Variants in ZNF268 observed in about 807,000 individuals in gnomAD.
ZNF268 encodes zinc finger protein 268.
Under a neutral mutation model 29.3 loss-of-function variants are expected in ZNF268, and 20 were observed. That is an observed-to-expected ratio of 0.68 (90% CI 0.48 to 0.99). The LOEUF (loss-of-function observed/expected upper bound fraction) is 0.99. ZNF268 is among the 50% of genes least tolerant of loss of function. The probability of loss-of-function intolerance (pLI) is 0.00; values close to 1 mark genes in which losing one functional copy is unlikely to be tolerated. For missense variants in ZNF268, 1,240 were observed against 1,121.6 expected, an observed-to-expected ratio of 1.11 and a Z score of -1.51; for synonymous variants, 429 against 376.9, an observed-to-expected ratio of 1.14 and a Z score of -1.60.
intron 5 of ZNF268, among the ~76,000 whole-genome samples, chr12:133,201,751 A>AT (rs1355099906): frequency 6.6e-6 from 1 of 152,088 alleles, no homozygotes; most frequent in Non-Finnish European, 1.5e-5. Flanking sequence ...CATAGTAGGT[A>AT]TTTAATTATT....
At chr12:133,197,024 CTTTCTT>C (rs1384383449) in intron 5 of ZNF268, among the ~76,000 whole-genome samples, 1 of 129,896 alleles carries the variant, frequency 7.7e-6, no homozygotes, top group Non-Finnish European at 1.7e-5. Context: ...TCTCTAGATC[CTTTCTT>C]TTTTTTTTTT....
intron 5 of ZNF268, among the ~76,000 whole-genome samples, chr12:133,201,636 A>G (rs568830846): frequency 1.3e-5 from 2 of 152,068 alleles, no homozygotes; most frequent in South Asian, 4.2e-4. Context: ...CTCTCAGTTT[A>G]TTTTTATCCA....
rs1245419589 is a variant in ZNF268 at position 133,210,429 on chromosome 12, A to G, written c.*5899A>G. 5.1e-6 allele frequency: 1 copy of G among 195,902 alleles called. No homozygotes were observed. The highest frequency in any genetic ancestry group is 1.1e-5 in the Non-Finnish European group (1 of 92,564). The allele number at this position is 195,902 out of a possible 1,614,324, so 12.1% of individuals were successfully genotyped here. ...CCCAGGGGTCCCCAGGTTGGTCCTG[A>G]GGAGAAGGAAGCTCAGAACCTCACT... On this transcript the variant is annotated 3_prime_UTR_variant, in exon 6 of 6. Coordinates refer to ENST00000536435, the MANE Select transcript of ZNF268 (RefSeq NM_003415.3).
chr12:133,206,090 C>T lies in ZNF268; in HGVS notation c.*1560C>T, dbSNP rs962171068. 9.9e-5 allele frequency: 15 copies of T among 152,104 alleles called. No homozygotes were observed. The highest frequency in any genetic ancestry group is 3.6e-4 in the African/African-American group (15 of 41,420). The allele number at this position is 152,104 out of a possible 1,614,324, so 9.4% of individuals were successfully genotyped here. A position where few individuals can be genotyped will look rare whatever the true frequency, so the allele number is the denominator to read the frequency against. On this transcript the variant is annotated 3_prime_UTR_variant, in exon 6 of 6. Transcript: ENST00000536435. ...ACATTCCTTGTTTGATTGCATTAGCCATTGTGTATCTTTTGCATACAGCTT... is the reference window on the plus strand; with the variant it reads ...ACATTCCTTGTTTGATTGCATTAGCTATTGTGTATCTTTTGCATACAGCTT...
rs768197771 is a variant in ZNF268 at position 133,202,265 on chromosome 12, G to T, written c.579G>T (p.Lys193Asn). The change falls in exon 6 of 6, where the codon AAG becomes AAT. Residue 193 changes from lysine (K) to asparagine (N), a missense_variant. Physicochemically the swap from Lys to Asn is moderately conservative, Grantham distance 94. This residue lies in a region of ZNF268 where 1,177 missense variants were observed against 1,039.6 expected (regional missense o/e 1.13). Transcript: ENST00000536435. ...GAAAACTATGTCTTCTTAGTACAAA[G>T]TATCTTTCAAGACAAAAACCTCATA... ...TFGKLCLLST[K>N]YLSRQKPHKC... The T allele has an allele frequency of 1.7e-5, 28 of 1,612,596 alleles. No individual in the cohort carries two copies. The Admixed American group carries it at 4.5e-4, about 26-fold the overall frequency.
At chr12:133,201,160 A>G (rs968951950) in intron 5 of ZNF268, among the ~76,000 whole-genome samples, 1 of 152,000 alleles carries the variant, frequency 6.6e-6, no homozygotes, top group Non-Finnish European at 1.5e-5. Context: ...TAATGTTTTC[A>G]TCATGTATTC....
At chr12:133,194,364 A>G (rs1366709006) in intron 5 of ZNF268, among the ~76,000 whole-genome samples, 1 of 152,198 alleles carries the variant, frequency 6.6e-6, no homozygotes, top group Non-Finnish European at 1.5e-5. Flanking sequence ...CTCCAGGATC[A>G]ACTAAGTGAT....
At chr12:133,197,715 T>C (rs1034362784) in intron 5 of ZNF268, among the ~76,000 whole-genome samples, 1 of 152,206 alleles carries the variant, frequency 6.6e-6, no homozygotes, top group Non-Finnish European at 1.5e-5. Context: ...TCCTGACTTT[T>C]TAATGATTGC....
intron 5 of ZNF268, 60 bp from the exon 6 acceptor site, chr12:133,202,084 C>T: frequency 2.2e-6 from 3 of 1,381,702 alleles, no homozygotes; most frequent in Non-Finnish European, 2.9e-6. Flanking sequence ...TCATAGGCAA[C>T]TTTCTAGTAT....
At chr12:133,185,414 G>T (rs1956286072) in intron 2 of ZNF268, among the ~76,000 whole-genome samples, 1 of 101,428 alleles carries the variant, frequency 9.9e-6, no homozygotes, top group South Asian at 2.9e-4. Flanking sequence ...TGTGACTGGG[G>T]TAGGGAGTGA....
Position 133,211,155 on chromosome 12 carries a change from G to T in ZNF268, c.*6625G>T, listed in dbSNP as rs1956973350. On this transcript the variant is annotated 3_prime_UTR_variant, in exon 6 of 6. Transcript: ENST00000536435. ...TAATGTATAGCAATAATTGGAATTT[G>T]TAATGAATAAAATCATTCAAAAAAA... 2.7e-6 allele frequency: 1 copy of T among 367,970 alleles called. No individual in the cohort carries two copies. Among genetic ancestry groups the T allele is most frequent in the Non-Finnish European group, 5.5e-6 (1 of 183,090 alleles). The allele number at this position is 367,970 out of a possible 1,614,324, so 22.8% of individuals were successfully genotyped here. A position where few individuals can be genotyped will look rare whatever the true frequency, so the allele number is the denominator to read the frequency against.
At chr12:133,197,157 A>AG (rs1256220146) in intron 5 of ZNF268, among the ~76,000 whole-genome samples, 2 of 149,946 alleles carry the variant, frequency 1.3e-5, no homozygotes, top group African/African-American at 2.5e-5. Context: ...ATCTAGCATT[A>AG]GGTATATCTC....
Position 133,204,792 on chromosome 12 carries a change from G to A in ZNF268, c.*262G>A. On this transcript the variant is annotated 3_prime_UTR_variant, in exon 6 of 6. Coordinates refer to ENST00000536435, the MANE Select transcript of ZNF268 (RefSeq NM_003415.3). Reference sequence around the variant, plus strand: ...AGCAAGTCATACCTTTTTTTAAAAAGTTCATACAGGTGAGGAACCATGTTA... The same window carrying A: ...AGCAAGTCATACCTTTTTTTAAAAAATTCATACAGGTGAGGAACCATGTTA... The A allele has an allele frequency of 2.7e-6, 1 of 364,224 alleles. No homozygotes were observed. The highest frequency in any genetic ancestry group is 4.2e-5 in the Admixed American group (1 of 23,806). The allele number at this position is 364,224 out of a possible 1,614,324, so 22.6% of individuals were successfully genotyped here.
At chr12:133,184,124 T>C (rs935119404) in intron 2 of ZNF268, among the ~76,000 whole-genome samples, 16 of 152,252 alleles carry the variant, frequency 1.1e-4, no homozygotes, top group African/African-American at 3.9e-4. Flanking sequence ...CTTTTTTTTT[T>C]TGGAGACAGT....
intron 3 of ZNF268, chr12:133,188,283 A>G (rs1377401063): frequency 1.9e-6 from 1 of 530,268 alleles, no homozygotes; most frequent in African/African-American, 1.9e-5. Flanking sequence ...TGCAGCCTCA[A>G]ACTCCAGGCT....
rs1171270183 is a variant in ZNF268, at chr12:133,204,858, A to G, written c.*328A>G. ...TTTTACTAAAATAAGATTCACAAAGAGGAAACTTCATGAACCAGATGAATA... is the reference window on the plus strand; with the variant it reads ...TTTTACTAAAATAAGATTCACAAAGGGGAAACTTCATGAACCAGATGAATA... On this transcript the variant is annotated 3_prime_UTR_variant, in exon 6 of 6. Coordinates refer to ENST00000536435, the MANE Select transcript of ZNF268 (RefSeq NM_003415.3). 3 of 212,952 alleles carry G rather than the reference A, an allele frequency of 1.4e-5. No individual in the cohort carries two copies. The East Asian group carries it at 3.2e-4, about 22-fold the overall frequency. The allele number at this position is 212,952 out of a possible 1,614,324, so 13.2% of individuals were successfully genotyped here.
Position 133,204,013 on chromosome 12 carries a change from G to A in ZNF268, c.2327G>A (p.Gly776Glu), listed in dbSNP as rs1348560036. 6.3e-7 allele frequency: 1 copy of A among 1,577,840 alleles called. No homozygotes were observed. Among genetic ancestry groups the A allele is most frequent in the Non-Finnish European group, 8.6e-7 (1 of 1,164,616 alleles). The change falls in exon 6 of 6, where the codon GGG (glycine) becomes GAG (glutamate). Residue 776 changes from glycine to glutamate, a missense_variant. Around this residue, in one of 3 missense-constraint regions of ZNF268, gnomAD observed 1,177 missense variants for 1,039.6 expected, o/e 1.13. Transcript: ENST00000536435. The stretch of plus-strand genomic sequence containing the variant: ...ATTTCACATCAGCGAACTCATGCAG[G>A]GGAAAAGCCTTATGGGTGCAGTGAA... ...QLISHQRTHA[G>E]EKPYGCSECG...
chr12:133,194,235 A>G (rs1039303705), intron 5 of ZNF268, among the ~76,000 whole-genome samples: 1 of 152,216 alleles, frequency 6.6e-6, no homozygotes, highest in Non-Finnish European at 1.5e-5. Flanking sequence ...ATAAATCAAC[A>G]GTTAGTCCTT....
chr12:133,192,676 A>T (rs945518481), intron 5 of ZNF268, among the ~76,000 whole-genome samples: 1 of 147,412 alleles, frequency 6.8e-6, no homozygotes, highest in Non-Finnish European at 1.5e-5. Flanking sequence ...ATGCTAATGG[A>T]TTTTTTTTTT....
Sources: gnomAD v4.1 joint callset for allele counts (sites outside exome capture counted in the v4.1 genomes callset) on GRCh38, gnomAD v4.1.1 for gene constraint, gnomAD v4.1.1 regional missense constraint, MANE v1.5 for transcripts, NCBI Gene and HGNC (gene_info 2026-07-23, HGNC 2026-07-21) for gene names.